Variants in ITLN1 observed in about 807,000 individuals in gnomAD.
ITLN1 encodes intelectin-1.
A neutral mutation model predicts 36.2 loss-of-function variants in ITLN1; 29 were observed. The observed-to-expected ratio is 0.80, with a 90% CI of 0.60 to 1.09. The LOEUF is 1.09. ITLN1 is among the 50% of genes least tolerant of loss of function. The pLI, the probability that ITLN1 is intolerant of heterozygous loss-of-function variation, is 0.00. For missense variants in ITLN1, 358 were observed against 405.2 expected (o/e 0.88, Z 1.00); for synonymous variants, 143 against 146.5 (o/e 0.98, Z 0.17).
intron 7 of ITLN1, among the ~76,000 whole-genome samples, chr1:160,879,080 T>C (rs1477857419): frequency 2.0e-5 from 3 of 152,162 alleles, no homozygotes; most frequent in Admixed American, 2.0e-4. Context: ...ATGGTTCTTT[T>C]GAAGCCTCAC....
rs1670712465 is a variant in ITLN1 at position 160,883,527 on chromosome 1, C to T, written c.59-1G>A. On this transcript the variant is annotated splice_acceptor_variant, in intron 2 of 7. Transcript: ENST00000326245. LOFTEE classifies it high-confidence loss of function. ...TCCTTGAAGTAAGTATTAGCCTCAT[C>T]TAGGGAATACACAGGGTTTATTCTC... 2 of 1,590,352 alleles carry T rather than the reference C, an allele frequency of 1.3e-6. No individual in the cohort carries two copies. Among genetic ancestry groups the T allele is most frequent in the Non-Finnish European group, 8.6e-7 (1 of 1,158,654 alleles).
rs569462948 is a variant in ITLN1 at position 160,881,199 on chromosome 1, A to C, written c.519T>G (p.Thr173=). ...TATGTCCCAGTGTCTGGAGGAAGCC[A>C]GTGTCCGTGCGGTACCTCAGCAGGG... ...NSSLLRYRTD[T]GFLQTLGHNL... is the part of the protein sequence containing the mutation. The change falls in exon 5 of 8, where the codon ACT becomes ACG. Residue 173 remains threonine, a synonymous_variant. Transcript: ENST00000326245. 65 of 1,613,740 alleles carry C rather than the reference A, an allele frequency of 4.0e-5. No individual in the cohort carries two copies. In the South Asian group the frequency reaches 6.0e-4, roughly 15 times the overall value.
chr1:160,881,866 C>A, intron 4 of ITLN1, 91 bp downstream of exon 4: 1 of 1,584,642 alleles, frequency 6.3e-7, no homozygotes, highest in South Asian at 1.1e-5. Flanking sequence ...CCATCCCACA[C>A]CCCTACCTTC....
rs988421495 is a variant in ITLN1, at chr1:160,882,423, C to T, written c.158-219G>A. 3 of 457,174 alleles carry T rather than the reference C, an allele frequency of 6.6e-6. No homozygotes were observed. In the East Asian group the frequency reaches 1.1e-4, roughly 17 times the overall value. The allele number at this position is 457,174 out of a possible 1,614,324, so 28.3% of individuals were successfully genotyped here. The stretch of plus-strand genomic sequence containing the variant: ...ATAGAATTGTATAAAATCCCAGTGA[C>T]ATTTTTCATAAAGTTAAACATGGAA... On this transcript the variant is annotated intron_variant, in intron 3 of 7. Coordinates refer to ENST00000326245, the MANE Select transcript of ITLN1 (RefSeq NM_017625.3).
rs1670643210 is a variant in ITLN1, at chr1:160,879,428, G to A, written c.686-14C>T. The A allele has an allele frequency of 1.3e-6, 2 of 1,597,630 alleles. No homozygotes were observed. Among genetic ancestry groups the A allele is most frequent in the African/African-American group, 1.3e-5 (1 of 74,598 alleles). ...CAGTGAATTCCCCTGAAAACAAGAGGCAGAAAACAGCATTCAAGGAAGATG... is the reference window on the plus strand; with the variant it reads ...CAGTGAATTCCCCTGAAAACAAGAGACAGAAAACAGCATTCAAGGAAGATG... On this transcript the variant is annotated splice_polypyrimidine_tract_variant and intron_variant, in intron 6 of 7. Coordinates refer to ENST00000326245, the MANE Select transcript of ITLN1 (RefSeq NM_017625.3).
intron 4 of ITLN1, 85 bp downstream of exon 4, chr1:160,881,872 C>T (rs1228298134): frequency 3.1e-6 from 5 of 1,589,500 alleles, no homozygotes; most frequent in Admixed American, 1.7e-5. Flanking sequence ...CACACCCCTA[C>T]CTTCCAGCCA....
chr1:160,881,258 T>C lies in ITLN1; in HGVS notation c.460A>G (p.Asn154Asp). 1 of 1,612,780 alleles carries C rather than the reference T, an allele frequency of 6.2e-7. No homozygotes were observed. Among genetic ancestry groups the C allele is most frequent in the South Asian group, 1.1e-5 (1 of 90,924 alleles). Residue 154 changes from asparagine (N) to aspartate (D), a missense_variant, in exon 5 of 8, where the codon AAT becomes GAT. Physicochemically the swap from Asn to Asp is conservative, Grantham distance 23. Transcript: ENST00000326245. ...AKDLGIWHVP[N>D]KSPMQHWRNS... ...CTCCAGTGCTGCATGGGGGACTTAT[T>C]GGGCACGTGCCAGATGCCCAGGTCC...
At chr1:160,881,753 G>A (rs1670681974) in intron 4 of ITLN1, among the ~76,000 whole-genome samples, 1 of 142,620 alleles carries the variant, frequency 7.0e-6, no homozygotes, top group Admixed American at 7.1e-5. Context: ...TATGAGCCGA[G>A]ATCACACCAC....
chr1:160,883,221 A>G (rs963515768), intron 3 of ITLN1, among the ~76,000 whole-genome samples: 10 of 152,192 alleles, frequency 6.6e-5, no homozygotes, highest in Non-Finnish European at 1.2e-4. Flanking sequence ...AAAGTTCTGC[A>G]TATGGATAGC....
intron 5 of ITLN1, 22 bp from the exon 6 acceptor site, chr1:160,880,730 T>G (rs1336195186): frequency 1.9e-6 from 3 of 1,613,662 alleles, no homozygotes; most frequent in Non-Finnish European, 2.5e-6. Flanking sequence ...ACAGAAAAAG[T>G]CATGGAGTAA....
chr1:160,881,856 CCATCCCA>C, intron 4 of ITLN1, 94 bp downstream of exon 4: 1 of 1,530,422 alleles, frequency 6.5e-7, no homozygotes, highest in East Asian at 2.3e-5. Flanking sequence ...CTTCTCCAGC[CCATCCCA>C]CACCCCTACC....
Position 160,881,163 on chromosome 1 carries a change from G to A in ITLN1, c.555C>T (p.Gly185=), listed in dbSNP as rs752228212. 1 of 1,609,462 alleles carries A rather than the reference G, an allele frequency of 6.2e-7. No individual in the cohort carries two copies. Among genetic ancestry groups the A allele is most frequent in the African/African-American group, 1.3e-5 (1 of 74,910 alleles). Residue 185 remains glycine (G), a synonymous_variant, in exon 5 of 8, where the codon GGC becomes GGT. Transcript: ENST00000326245. ...FLQTLGHNLF[G]IYQKYPVKYG... is the part of the protein sequence containing the mutation. ...CAGCAGCCTTCTGTACCTGGTAGAT[G>A]CCAAACAGATTATGTCCCAGTGTCT...
At chr1:160,878,347 T>A (rs971679630) in intron 7 of ITLN1, among the ~76,000 whole-genome samples, 4 of 152,140 alleles carry the variant, frequency 2.6e-5, no homozygotes, top group African/African-American at 9.6e-5. Context: ...ACCTCGTTTC[T>A]TTATAAATTA....
intron 4 of ITLN1, chr1:160,881,528 G>C: frequency 1.8e-6 from 1 of 563,032 alleles, no homozygotes; most frequent in Non-Finnish European, 3.0e-6. Context: ...GTGTAAATTG[G>C]CTGGGTGTGG....
In ITLN1 at chr1:160,880,596, T is replaced by C. The variant is rs778919547; in HGVS notation, c.677A>G (p.Tyr226Cys). 1.2e-6 allele frequency: 2 copies of C among 1,613,502 alleles called. No individual in the cohort carries two copies. The highest frequency in any genetic ancestry group is 1.3e-5 in the African/African-American group (1 of 74,848). Residue 226 changes from tyrosine (Y) to cysteine (C), a missense_variant, in exon 6 of 8, where the codon TAT (tyrosine) becomes TGT (cysteine). Coordinates refer to ENST00000326245, the MANE Select transcript of ITLN1 (RefSeq NM_017625.3). Reference protein sequence around the residue: ...AQKTASYYSPYGQREFTAGFV... With the variant: ...AQKTASYYSPCGQREFTAGFV... ...GATCATTAAAGACTCACGCTGGCCA[T>C]AGGGTGAGTAATAAGATGCTGTTTT...
chr1:160,879,170 C>G (rs1180825909), intron 7 of ITLN1, 141 bp downstream of exon 7: 42 of 694,752 alleles, frequency 6.0e-5, no homozygotes, highest in African/African-American at 5.3e-5. Flanking sequence ...TGAAGCTCAG[C>G]AATGAGCAAG....
chr1:160,879,368 C>T lies in ITLN1; in HGVS notation c.732G>A (p.Glu244=). ...CAGCACACAAGGCGTTGGCTGCTCT[C>T]TCGTTATTAAATACCCTGAACTGAA... The part of the protein sequence containing the change: ...GFVQFRVFNN[E]RAANALCAGM... The change falls in exon 7 of 8, where the codon GAG becomes GAA. Residue 244 remains glutamate (E), a synonymous_variant. Coordinates refer to ENST00000326245, the MANE Select transcript of ITLN1 (RefSeq NM_017625.3). 1.2e-6 allele frequency: 2 copies of T among 1,614,200 alleles called. No homozygotes were observed. The highest frequency in any genetic ancestry group is 1.7e-6 in the Non-Finnish European group (2 of 1,180,042).
chr1:160,884,772 G>A (rs754641576), intron 2 of ITLN1, 48 bp downstream of exon 2: 6 of 1,334,296 alleles, frequency 4.5e-6, no homozygotes, highest in Non-Finnish European at 5.4e-6. Context: ...CCAGGATCCC[G>A]GAAGTCATCC....
intron 6 of ITLN1, 142 bp from the exon 7 acceptor site, chr1:160,879,556 G>A: frequency 1.5e-6 from 1 of 656,236 alleles, no homozygotes; most frequent in Admixed American, 2.5e-5. Flanking sequence ...CACCCCTGTG[G>A]CCAATGGCTG....
Sources: gnomAD v4.1 joint callset for allele counts (sites outside exome capture counted in the v4.1 genomes callset) on GRCh38, gnomAD v4.1.1 for gene constraint, MANE v1.5 for transcripts, NCBI Gene and HGNC (gene_info 2026-07-23, HGNC 2026-07-21) for gene names.